The following KIAA1217 variants were observed in gnomAD, a reference collection of about 807,000 sequenced individuals.
KIAA1217 encodes KIAA1217, also known as sickle tail protein homolog.
Under a neutral mutation model 163.9 loss-of-function variants are expected in KIAA1217, and 88 were observed. That is an observed-to-expected ratio of 0.54 (90% CI 0.45 to 0.64). KIAA1217 has a LOEUF of 0.64. Among genes scored for constraint, KIAA1217 ranks in the 30% least tolerant of loss-of-function variants. The pLI is 0.00. For missense variants in KIAA1217, 2,372 were observed against 2,475.0 expected, an observed-to-expected ratio of 0.96 and a Z score of 0.88; for synonymous variants, 903 against 923.1, an observed-to-expected ratio of 0.98 and a Z score of 0.39.
At chr10:23,817,670 G>A (rs1837369021) in intron 1 of KIAA1217, among the ~76,000 whole-genome samples, 1 of 152,016 alleles carries the variant, frequency 6.6e-6, no homozygotes, top group Non-Finnish European at 1.5e-5. Context: ...ATGGAAAGAA[G>A]GGAACAGGTT....
intron 1 of KIAA1217, among the ~76,000 whole-genome samples, chr10:23,864,523 A>AACACAC (rs10544205): frequency 0.13 from 19,640 of 147,182 alleles, 1,559 homozygotes; most frequent in Middle Eastern, 0.19. Context: ...TACACACACC[A>AACACAC]ACACACACAC....
chr10:24,062,366 C>T (rs1324289215), intron 2 of KIAA1217, among the ~76,000 whole-genome samples: 4 of 145,494 alleles, frequency 2.7e-5, no homozygotes, highest in East Asian at 2.1e-4. Context: ...TCAACTCCCA[C>T]CTATGAGTGA....
rs2075738086 is a variant in KIAA1217, at chr10:24,546,771, T to G, written c.*447T>G. 1 of 154,578 alleles carries G rather than the reference T, an allele frequency of 6.5e-6. No homozygotes were observed. Among genetic ancestry groups the G allele is most frequent in the African/African-American group, 2.4e-5 (1 of 41,480 alleles). The allele number at this position is 154,578 out of a possible 1,614,324, so 9.6% of individuals were successfully genotyped here. Reference sequence around the variant, plus strand: ...ACAGATACTATAATATTTCCTTTTATTTTAGTGTTATTTAGCTTTATTACA... The same window carrying G: ...ACAGATACTATAATATTTCCTTTTAGTTTAGTGTTATTTAGCTTTATTACA... On this transcript the variant is annotated 3_prime_UTR_variant, in exon 21 of 21. Transcript: ENST00000376454.
intron 1 of KIAA1217, among the ~76,000 whole-genome samples, chr10:23,953,335 G>C (rs1025752033): frequency 6.6e-6 from 1 of 152,206 alleles, no homozygotes; most frequent in African/African-American, 2.4e-5. Context: ...TCCATTCAGT[G>C]TCTCAGGAAT....
In KIAA1217 at chr10:24,219,762, AG is replaced by A; in HGVS notation, c.213del (p.Arg73GlufsTer22). ...GCAATATCCCAAGGAGACACACCCT[AG>A]GGGGGCCCCGAAGTTCCAAGGAAAT... is the stretch of plus-strand genomic sequence containing the variant. ...SRNIPRRHTL[G>X]GPRSSKEILG... On this transcript the variant is annotated frameshift_variant, in exon 2 of 21. Transcript: ENST00000376454. LOFTEE classifies it high-confidence loss of function. 3 of 1,613,788 alleles carry A rather than the reference AG, an allele frequency of 1.9e-6. No individual in the cohort carries two copies. Among genetic ancestry groups the A allele is most frequent in the Non-Finnish European group, 2.5e-6 (3 of 1,179,820 alleles).
chr10:24,076,877 CTTT>C (rs10573976), intron 2 of KIAA1217, among the ~76,000 whole-genome samples: 15 of 140,950 alleles, frequency 1.1e-4, no homozygotes, highest in African/African-American at 2.3e-4. Context: ...TTATTTCCAT[CTTT>C]TTTTTTTTTT....
intron 2 of KIAA1217, among the ~76,000 whole-genome samples, chr10:24,346,167 G>A (rs554427599): frequency 2.6e-5 from 4 of 152,090 alleles, no homozygotes; most frequent in Non-Finnish European, 5.9e-5. Context: ...CCTTTTTAAG[G>A]CTTAATAATA....
At chr10:24,495,413 C>T (rs1364579387) in intron 8 of KIAA1217, among the ~76,000 whole-genome samples, 1 of 152,182 alleles carries the variant, frequency 6.6e-6, no homozygotes, top group Non-Finnish European at 1.5e-5. Flanking sequence ...TTCGCTCATT[C>T]ATTTGTTCAT....
At chr10:23,783,757 CG>C (rs1325631990) in intron 1 of KIAA1217, among the ~76,000 whole-genome samples, 2 of 151,666 alleles carry the variant, frequency 1.3e-5, no homozygotes, top group Non-Finnish European at 2.9e-5. Context: ...TTGATTTGTT[CG>C]GGCTTTTTGT....
intron 1 of KIAA1217, among the ~76,000 whole-genome samples, chr10:23,811,466 T>C (rs1332727050): frequency 6.6e-6 from 1 of 151,626 alleles, no homozygotes; most frequent in African/African-American, 2.4e-5. Flanking sequence ...AAAATTACAG[T>C]AAAAGTTACA....
intron 1 of KIAA1217, among the ~76,000 whole-genome samples, chr10:23,728,520 T>A (rs958752551): frequency 3.3e-5 from 5 of 150,772 alleles, no homozygotes; most frequent in African/African-American, 1.2e-4. Flanking sequence ...TTTTTTTTTG[T>A]TGTAAATTTG....
At chr10:24,416,698 G>T (rs1197956755) in intron 3 of KIAA1217, among the ~76,000 whole-genome samples, 1 of 152,058 alleles carries the variant, frequency 6.6e-6, no homozygotes, top group Non-Finnish European at 1.5e-5. Context: ...ATCAGGAAGG[G>T]TCCCCCCCAC....
At chr10:24,092,928 T>TGTGTTGTGTGTGTGTG (rs548350322) in intron 2 of KIAA1217, among the ~76,000 whole-genome samples, 14 of 141,068 alleles carry the variant, frequency 9.9e-5, no homozygotes, top group African/African-American at 3.8e-4. Flanking sequence ...TGTGTGTGTG[T>TGTGTTGTGTGTGTGTG]TGTGTGTGTG....
intron 8 of KIAA1217, among the ~76,000 whole-genome samples, chr10:24,498,923 G>A (rs376722712): frequency 3.3e-5 from 5 of 152,236 alleles, no homozygotes; most frequent in African/African-American, 1.2e-4. Context: ...AAAAGATCGA[G>A]GGGAGGGAGG....
In KIAA1217 at chr10:24,519,156, C is replaced by G. The variant is rs184021413; in HGVS notation, c.2178-967C>G. On this transcript the variant is annotated intron_variant, in intron 10 of 20. Transcript: ENST00000376454. The stretch of plus-strand genomic sequence containing the variant: ...GGACGCTGGCTCCACAATCCGGGCT[C>G]CAGGAGGTGGAATCGCTGTTCACTT... 7.8e-3 allele frequency among the ~76,000 whole-genome samples: 1,188 copies of G among 152,246 alleles called. 15 individuals carry two copies. The highest frequency in any genetic ancestry group is 0.014 in the Middle Eastern group (4 of 294).
chr10:23,899,916 T>A (rs75552784), intron 1 of KIAA1217, among the ~76,000 whole-genome samples: 1 of 152,004 alleles, frequency 6.6e-6, no homozygotes, highest in African/African-American at 2.4e-5. Context: ...CTTTCCCTCT[T>A]TCTTTTCTTT....
At chr10:24,538,544 G>C (rs1325778317) in intron 17 of KIAA1217, among the ~76,000 whole-genome samples, 1 of 113,814 alleles carries the variant, frequency 8.8e-6, no homozygotes, top group African/African-American at 3.7e-5. Context: ...GAGGGTAGGA[G>C]GGATGGAGGG....
chr10:23,868,281 T>A (rs1049509003), intron 1 of KIAA1217, among the ~76,000 whole-genome samples: 2 of 152,068 alleles, frequency 1.3e-5, no homozygotes, highest in Admixed American at 6.6e-5. Flanking sequence ...AGATGTACGG[T>A]TACTCAGTTA....
intron 1 of KIAA1217, among the ~76,000 whole-genome samples, chr10:24,003,758 A>G (rs1726589987): frequency 3.3e-5 from 5 of 152,172 alleles, no homozygotes; most frequent in Admixed American, 3.3e-4. Flanking sequence ...CTATAATTCT[A>G]CTACTGTAGT....
Sources: allele counts gnomAD v4.1 joint callset (sites outside exome capture counted in the v4.1 genomes callset), GRCh38; gene constraint gnomAD v4.1.1; transcripts MANE v1.5; gene names NCBI Gene and HGNC (gene_info 2026-07-23, HGNC 2026-07-21).